The following TXNDC12 variants were observed in gnomAD, a reference collection of about 807,000 sequenced individuals.
The protein encoded by TXNDC12 is thioredoxin domain-containing protein 12.
Under a neutral mutation model 24.2 loss-of-function variants are expected in TXNDC12, and 22 were observed. The ratio of observed to expected loss-of-function variants is 0.91; its 90% CI spans 0.65 to 1.30. The LOEUF is 1.30. TXNDC12 is among the 50% of genes most tolerant of loss of function. TXNDC12 has a pLI of 0.00. For synonymous variants in TXNDC12, 58 were observed against 73.4 expected (o/e 0.79, Z 1.07); for missense variants, 184 against 205.8 (o/e 0.89, Z 0.65).
At position 52,041,510 on chromosome 1, in the gene TXNDC12, T is replaced by C. The variant is rs751491482; in HGVS notation, c.158+27A>G. On this transcript the variant is annotated intron_variant, in intron 2 of 6. Coordinates refer to ENST00000371626, the MANE Select transcript of TXNDC12 (RefSeq NM_015913.4). ...ATAGCTGAAAAGTGTTTTACCACCA[T>C]AAATGACCTAAAACCATGTCTTGTA... is the stretch of plus-strand genomic sequence containing the variant. 5 of 1,569,934 alleles carry C rather than the reference T, an allele frequency of 3.2e-6. No homozygotes were observed. In the African/African-American group the frequency reaches 6.8e-5, roughly 21 times the overall value.
intron 5 of TXNDC12, among the ~76,000 whole-genome samples, chr1:52,023,945 T>C (rs548105408): frequency 1.3e-5 from 2 of 152,178 alleles, no homozygotes; most frequent in South Asian, 2.1e-4. Context: ...GCTTGACATA[T>C]GGCTGATGCG....
In TXNDC12 at chr1:52,023,383, G is replaced by A. The variant is rs376207456; in HGVS notation, c.439+108C>T. 2.1e-4 allele frequency: 179 copies of A among 832,882 alleles called. 4 individuals carry two copies. The South Asian group carries it at 2.4e-3, about 11-fold the overall frequency. The allele number at this position is 832,882 out of a possible 1,614,324, so 51.6% of individuals were successfully genotyped here. A position where few individuals can be genotyped will look rare whatever the true frequency, so the allele number is the denominator to read the frequency against. On this transcript the variant is annotated intron_variant, in intron 6 of 6. Coordinates refer to ENST00000371626, the MANE Select transcript of TXNDC12 (RefSeq NM_015913.4). ...CTGGCCAAAAGCTATAGACATGCAGGAGATGCTCAGCTAACATGCTGAATT... is the reference window on the plus strand; with the variant it reads ...CTGGCCAAAAGCTATAGACATGCAGAAGATGCTCAGCTAACATGCTGAATT...
At chr1:52,056,170 C>G (rs774579514), upstream of TXNDC12, 2 of 152,626 alleles carry the variant, frequency 1.3e-5, no homozygotes, top group African/African-American at 2.4e-5. Context: ...GCCACTAGCA[C>G]TAAGAGGGAT....
At chr1:52,049,161 TAGAAA>T (rs1298080414) in intron 1 of TXNDC12, among the ~76,000 whole-genome samples, 1 of 152,152 alleles carries the variant, frequency 6.6e-6, no homozygotes, top group African/African-American at 2.4e-5. Context: ...TACTGAGGCC[TAGAAA>T]AGAAGTTATC....
chr1:52,022,153 C>T (rs1016568743), intron 6 of TXNDC12, among the ~76,000 whole-genome samples: 44 of 152,290 alleles, frequency 2.9e-4, no homozygotes, highest in African/African-American at 1.0e-3. Context: ...ATCTCCTCCC[C>T]GTCCCTAGTC....
At chr1:52,035,387 A>G (rs902965238) in intron 2 of TXNDC12, among the ~76,000 whole-genome samples, 1 of 152,122 alleles carries the variant, frequency 6.6e-6, no homozygotes, top group Non-Finnish European at 1.5e-5. Context: ...CAGGTTTACC[A>G]ATCTGTAGGT....
intron 6 of TXNDC12, among the ~76,000 whole-genome samples, chr1:52,022,557 T>G (rs1685612573): frequency 6.6e-6 from 1 of 152,078 alleles, no homozygotes; most frequent in South Asian, 2.1e-4. Flanking sequence ...CTTCCATAGC[T>G]TGAAATGTCC....
intron 1 of TXNDC12, among the ~76,000 whole-genome samples, chr1:52,045,969 C>T (rs915700796): frequency 5.9e-5 from 9 of 151,748 alleles, no homozygotes; most frequent in African/African-American, 2.2e-4. Flanking sequence ...TCCCAGCACT[C>T]TGGGAGGCCG....
intron 2 of TXNDC12, chr1:52,033,721 T>C (rs1436027296): frequency 5.6e-6 from 9 of 1,610,184 alleles, no homozygotes; most frequent in Middle Eastern, 1.6e-4. Flanking sequence ...ACGCCGGCTC[T>C]TGCCGCTGTA....
At chr1:52,046,864 A>ATATATATATAT (rs1553236777) in intron 1 of TXNDC12, among the ~76,000 whole-genome samples, 3 of 34,180 alleles carry the variant, frequency 8.8e-5, no homozygotes, top group African/African-American at 2.2e-4. Context: ...AAAAAAAAAA[A>ATATATATATAT]AAATATATAT....
intron 1 of TXNDC12, among the ~76,000 whole-genome samples, chr1:52,044,726 C>A (rs1686055391): frequency 6.6e-6 from 1 of 152,140 alleles, no homozygotes; most frequent in Non-Finnish European, 1.5e-5. Context: ...GTAATCCTAG[C>A]ACTTTGGGAG....
intron 1 of TXNDC12, chr1:52,044,392 GT>G (rs1002636469): frequency 6.6e-6 from 1 of 152,178 alleles, no homozygotes; most frequent in African/African-American, 2.4e-5. Context: ...GTACCCCCTG[GT>G]TTTCAGATGA....
chr1:52,033,301 TC>T, intron 2 of TXNDC12: 2 of 1,613,948 alleles, frequency 1.2e-6, no homozygotes, highest in Non-Finnish European at 1.7e-6. Context: ...AGTATGCAGT[TC>T]CCTGAGGACG....
At chr1:52,053,071 C>G (rs1272605863) in intron 1 of TXNDC12, among the ~76,000 whole-genome samples, 1 of 146,910 alleles carries the variant, frequency 6.8e-6, no homozygotes, top group Non-Finnish European at 1.5e-5. Flanking sequence ...TGGTGAAACT[C>G]CATCTCTACT....
intron 2 of TXNDC12, among the ~76,000 whole-genome samples, chr1:52,038,951 T>A (rs1424041181): frequency 2.0e-5 from 3 of 148,874 alleles, no homozygotes; most frequent in Admixed American, 6.7e-5. Flanking sequence ...GATTTATCTT[T>A]AAAAAAATTT....
chr1:52,028,656 A>G, intron 2 of TXNDC12, 26 bp from the exon 3 acceptor site: 3 of 1,542,108 alleles, frequency 1.9e-6, no homozygotes, highest in Non-Finnish European at 2.7e-6. Flanking sequence ...AAGAAATTAT[A>G]ATCTAGTAAT....
chr1:52,033,236 G>A (rs776375416), intron 2 of TXNDC12: 1 of 1,614,022 alleles, frequency 6.2e-7, no homozygotes, highest in East Asian at 2.2e-5. Flanking sequence ...GATTCTTCTC[G>A]CTCCAGTTCC....
At chr1:52,049,307 T>G (rs995011171) in intron 1 of TXNDC12, among the ~76,000 whole-genome samples, 3 of 152,018 alleles carry the variant, frequency 2.0e-5, no homozygotes, top group Non-Finnish European at 4.4e-5. Flanking sequence ...AGGTATAACG[T>G]GAAAATAGTC....
chr1:52,031,185 A>C (rs1210600837), intron 2 of TXNDC12, among the ~76,000 whole-genome samples: 1 of 138,772 alleles, frequency 7.2e-6, no homozygotes, highest in African/African-American at 2.7e-5. Flanking sequence ...TTTGAGATGG[A>C]GTCTCCTTCT....
Sources: allele counts gnomAD v4.1 joint callset (sites outside exome capture counted in the v4.1 genomes callset), GRCh38; gene constraint gnomAD v4.1.1; transcripts MANE v1.5; gene names NCBI Gene and HGNC (gene_info 2026-07-23, HGNC 2026-07-21).